The following VPS41 variants were observed in gnomAD, a reference collection of about 807,000 sequenced individuals.
VPS41 encodes the protein vacuolar protein sorting-associated protein 41 homolog.
VPS41 carries 85 observed loss-of-function variants against 130.9 expected under a neutral mutation model. The ratio of observed to expected loss-of-function variants is 0.65; its 90% CI spans 0.55 to 0.78. The LOEUF is 0.78. VPS41 is among the 30% of genes least tolerant of loss of function. The pLI, the probability that VPS41 is intolerant of heterozygous loss-of-function variation, is 0.00. For synonymous variants in VPS41, 335 were observed against 332.9 expected (o/e 1.01, Z -0.07); for missense variants, 874 against 1,018.7 (o/e 0.86, Z 1.93).
chr7:38,853,418 CAAA>C (rs57368681), intron 4 of VPS41, among the ~76,000 whole-genome samples: 4 of 78,920 alleles, frequency 5.1e-5, no homozygotes, highest in Non-Finnish European at 4.4e-5. Flanking sequence ...GACTCCTTCT[CAAA>C]AAAAAAAAAA....
intron 10 of VPS41, among the ~76,000 whole-genome samples, chr7:38,782,503 G>C (rs1033107521): frequency 6.6e-6 from 1 of 152,150 alleles, no homozygotes; most frequent in African/African-American, 2.4e-5. Flanking sequence ...TTGGTTTTGT[G>C]ACCTAGTTGT....
chr7:38,726,046 C>G lies in VPS41; in HGVS notation c.*200G>C, dbSNP rs1562561402. 3 of 530,052 alleles carry G rather than the reference C, an allele frequency of 5.7e-6. No individual in the cohort carries two copies. The East Asian group carries it at 9.0e-5, about 16-fold the overall frequency. The allele number at this position is 530,052 out of a possible 1,614,324, so 32.8% of individuals were successfully genotyped here. A position where few individuals can be genotyped will look rare whatever the true frequency, so the allele number is the denominator to read the frequency against. On this transcript the variant is annotated 3_prime_UTR_variant, in exon 29 of 29. Coordinates refer to ENST00000310301, the MANE Select transcript of VPS41 (RefSeq NM_014396.4). Reference sequence around the variant, plus strand: ...ATATTCACTATGGACCCCAAAATTTCAAGGCATGAAGAGAGCCCCAAATTC... The same window carrying G: ...ATATTCACTATGGACCCCAAAATTTGAAGGCATGAAGAGAGCCCCAAATTC...
At position 38,780,195 on chromosome 7, in the gene VPS41, T is replaced by G. The variant is rs1264172130; in HGVS notation, c.785-3419A>C. ...TTTTTTTTTTGGTTTTTGTTTTTTT[T>G]TTTTTGGAGTGAAAAATGCAGGCAG... On this transcript the variant is annotated intron_variant, in intron 10 of 28. Coordinates refer to ENST00000310301, the MANE Select transcript of VPS41 (RefSeq NM_014396.4). 2.6e-5 allele frequency among the ~76,000 whole-genome samples: 4 copies of G among 151,324 alleles called. No individual in the cohort carries two copies. The East Asian group carries it at 7.7e-4, about 29-fold the overall frequency.
chr7:38,814,418 G>T (rs997404620), intron 7 of VPS41, among the ~76,000 whole-genome samples: 4 of 152,152 alleles, frequency 2.6e-5, no homozygotes, highest in Non-Finnish European at 4.4e-5. Context: ...TTGGAAGGCC[G>T]AGCGGATGGA....
chr7:38,758,397 T>C lies in VPS41; in HGVS notation c.1507A>G (p.Lys503Glu). 1 of 1,613,490 alleles carries C rather than the reference T, an allele frequency of 6.2e-7. No individual in the cohort carries two copies. The highest frequency in any genetic ancestry group is 8.5e-7 in the Non-Finnish European group (1 of 1,179,698). Residue 503 changes from lysine to glutamate, a missense_variant, in exon 18 of 29, where the codon AAA becomes GAA. By Grantham distance (56) the Lys-to-Glu change is moderately conservative (BLOSUM62 1). Coordinates refer to ENST00000310301, the MANE Select transcript of VPS41 (RefSeq NM_014396.4). ...IVQAVRDHLK[K>E]DSQNKTLLKT... ...AGTAAAGTCTTGTTCTGACTATCTT[T>C]CTTCAAATGATCCCGAACTGCTTGA...
At chr7:38,800,652 G>A (rs561503041) in intron 7 of VPS41, among the ~76,000 whole-genome samples, 8 of 152,192 alleles carry the variant, frequency 5.3e-5, no homozygotes, top group South Asian at 2.1e-4. Context: ...TGGCCAACAC[G>A]GTGAAACCCC....
chr7:38,787,521 A>C (rs1784461572), intron 10 of VPS41, among the ~76,000 whole-genome samples: 1 of 152,230 alleles, frequency 6.6e-6, no homozygotes, highest in East Asian at 1.9e-4. Flanking sequence ...CTTAATCTTC[A>C]TTATATTATT....
intron 1 of VPS41, among the ~76,000 whole-genome samples, chr7:38,907,089 A>C (rs984956561): frequency 3.9e-5 from 6 of 152,162 alleles, no homozygotes; most frequent in African/African-American, 1.2e-4. Context: ...AAAAAAAAAA[A>C]AACAAATTTT....
At chr7:38,828,060 C>T (rs1305500096) in intron 5 of VPS41, among the ~76,000 whole-genome samples, 1 of 151,832 alleles carries the variant, frequency 6.6e-6, no homozygotes, top group South Asian at 2.1e-4. Context: ...CATGTCTACA[C>T]AAATAAATGT....
chr7:38,726,997 G>C lies in VPS41; in HGVS notation c.2405-9C>G. On this transcript the variant is annotated splice_polypyrimidine_tract_variant and intron_variant, in intron 27 of 28. Transcript: ENST00000310301. ...GAAGGGCTTAGCTGCATCTGGCGAG[G>C]AGGGCAGAGAAAGGAGGAGAACTTA... is the stretch of plus-strand genomic sequence containing the variant. 3.9e-6 allele frequency: 6 copies of C among 1,532,252 alleles called. No individual in the cohort carries two copies. The highest frequency in any genetic ancestry group is 5.3e-6 in the Non-Finnish European group (6 of 1,139,426). The allele number at this position is 1,532,252 out of a possible 1,614,324, so 94.9% of individuals were successfully genotyped here. A position where few individuals can be genotyped will look rare whatever the true frequency, so the allele number is the denominator to read the frequency against.
chr7:38,745,476 T>A, intron 23 of VPS41, 83 bp downstream of exon 23: 5 of 1,144,118 alleles, frequency 4.4e-6, no homozygotes, highest in Non-Finnish European at 6.6e-6. Flanking sequence ...GTCTAAAACC[T>A]ATGTCCTTTC....
At chr7:38,771,448 A>G (rs1405564137) in intron 13 of VPS41, among the ~76,000 whole-genome samples, 194 bp from the exon 14 acceptor site, 1 of 152,192 alleles carries the variant, frequency 6.6e-6, no homozygotes, top group Non-Finnish European at 1.5e-5. Flanking sequence ...TGTTAATGCT[A>G]TGGTTGAATG....
intron 25 of VPS41, among the ~76,000 whole-genome samples, chr7:38,737,518 G>C (rs1194416750): frequency 6.6e-6 from 1 of 152,164 alleles, no homozygotes; most frequent in Non-Finnish European, 1.5e-5. Context: ...ATTGTAGGAG[G>C]CAGAGCAGCA....
intron 17 of VPS41, among the ~76,000 whole-genome samples, chr7:38,760,187 C>T (rs1286619335): frequency 6.6e-6 from 1 of 152,156 alleles, no homozygotes; most frequent in African/African-American, 2.4e-5. Flanking sequence ...TATGACAGAG[C>T]AGTTTACTTA....
At chr7:38,788,829 T>C (rs1271776793) in intron 10 of VPS41, among the ~76,000 whole-genome samples, 1 of 152,160 alleles carries the variant, frequency 6.6e-6, no homozygotes, top group Non-Finnish European at 1.5e-5. Flanking sequence ...TGACTTCAAG[T>C]ACAAAATAGC....
At chr7:38,839,219 A>C (rs1785557976) in intron 4 of VPS41, among the ~76,000 whole-genome samples, 1 of 152,290 alleles carries the variant, frequency 6.6e-6, no homozygotes, top group South Asian at 2.1e-4. Context: ...CTGTTCTTTC[A>C]TACTTGGGAA....
chr7:38,821,279 G>A lies in VPS41; in HGVS notation c.322-14C>T. 6.2e-7 allele frequency: 1 copy of A among 1,608,212 alleles called. No individual in the cohort carries two copies. Among genetic ancestry groups the A allele is most frequent in the Non-Finnish European group, 8.5e-7 (1 of 1,175,036 alleles). On this transcript the variant is annotated splice_polypyrimidine_tract_variant and intron_variant, in intron 5 of 28. Coordinates refer to ENST00000310301, the MANE Select transcript of VPS41 (RefSeq NM_014396.4). The stretch of plus-strand genomic sequence containing the variant: ...AAATACCTGCACCTACAAAGAAAAT[G>A]GATTGTATCAGCTCACCATGACAGC...
chr7:38,836,216 A>C (rs1785490172), intron 4 of VPS41, among the ~76,000 whole-genome samples: 1 of 151,966 alleles, frequency 6.6e-6, no homozygotes, highest in Non-Finnish European at 1.5e-5. Context: ...TCTATCCAAC[A>C]ATTAGATGCT....
chr7:38,797,531 C>T lies in VPS41; in HGVS notation c.451-667G>A, dbSNP rs964642514. Among the ~76,000 whole-genome samples, 7 of 152,154 alleles carry T rather than the reference C, an allele frequency of 4.6e-5. No homozygotes were observed. In the South Asian group the frequency reaches 6.2e-4, roughly 14 times the overall value. On this transcript the variant is annotated intron_variant, in intron 7 of 28. Coordinates refer to ENST00000310301, the MANE Select transcript of VPS41 (RefSeq NM_014396.4). ...AAAGATGTAATTCTAGGAAGTCATA[C>T]ATTATTAAGAACACAATAAATATTT...
Sources: gnomAD v4.1 joint callset for allele counts (sites outside exome capture counted in the v4.1 genomes callset) on GRCh38, gnomAD v4.1.1 for gene constraint, MANE v1.5 for transcripts, NCBI Gene and HGNC (gene_info 2026-07-23, HGNC 2026-07-21) for gene names.